The following EFR3A variants were observed in gnomAD, a reference collection of about 807,000 sequenced individuals.
EFR3A encodes EFR3 homolog A.
A neutral mutation model predicts 104.4 loss-of-function variants in EFR3A; 76 were observed. The observed-to-expected ratio is 0.73, with a 90% CI of 0.60 to 0.88. The LOEUF (loss-of-function observed/expected upper bound fraction) is 0.88. EFR3A is among the 40% of genes least tolerant of loss of function. The pLI is 0.00. For synonymous variants in EFR3A, 330 were observed against 330.0 expected (o/e 1.00, Z 0.00); for missense variants, 985 against 1,012.5 (o/e 0.97, Z 0.37).
At chr8:131,981,628 A>T (rs1820617500) in intron 14 of EFR3A, among the ~76,000 whole-genome samples, 1 of 152,122 alleles carries the variant, frequency 6.6e-6, no homozygotes, top group African/African-American at 2.4e-5. Flanking sequence ...AAAGAAAAAA[A>T]ATTGGGTTCT....
chr8:131,956,443 C>G (rs1818997098), intron 7 of EFR3A, among the ~76,000 whole-genome samples: 1 of 152,202 alleles, frequency 6.6e-6, no homozygotes, highest in South Asian at 2.1e-4. Flanking sequence ...CTTTGAGTTT[C>G]TCCACATAGA....
chr8:131,910,689 C>CT (rs1382955725), intron 1 of EFR3A, among the ~76,000 whole-genome samples: 1 of 152,250 alleles, frequency 6.6e-6, no homozygotes, highest in East Asian at 1.9e-4. Flanking sequence ...GGCAGAGGCC[C>CT]TTTTTTTCAT....
intron 18 of EFR3A, 135 bp downstream of exon 18, chr8:131,987,837 G>T: frequency 1.1e-6 from 1 of 904,580 alleles, no homozygotes; most frequent in Non-Finnish European, 1.6e-6. Flanking sequence ...AAATGCTTAA[G>T]AGTATTTACT....
At chr8:131,969,395 G>GT (rs1340922662) in intron 9 of EFR3A, among the ~76,000 whole-genome samples, 1 of 152,002 alleles carries the variant, frequency 6.6e-6, no homozygotes, top group African/African-American at 2.4e-5. Flanking sequence ...AAATGGCGTA[G>GT]TTTTTGCATA....
At position 131,946,500 on chromosome 8, in the gene EFR3A, T is replaced by A; in HGVS notation, c.233T>A (p.Met78Lys). 1 of 1,601,224 alleles carries A rather than the reference T, an allele frequency of 6.2e-7. No individual in the cohort carries two copies. The highest frequency in any genetic ancestry group is 2.3e-5 in the East Asian group (1 of 44,154). Residue 78 changes from methionine to lysine, a missense_variant, in exon 4 of 23, where the codon ATG becomes AAG. Coordinates refer to ENST00000254624, the MANE Select transcript of EFR3A (RefSeq NM_015137.6). ...RHRSGYVLIAMEALDQLLMAC... is the reference protein window; with the variant it reads ...RHRSGYVLIAKEALDQLLMAC... ...ACATGTAGGTATGTTTTGATTGCTA[T>A]GGAGGCACTGGACCAACTTCTCATG...
At chr8:131,940,413 C>A in intron 1 of EFR3A, 86 bp from the exon 2 acceptor site, 1 of 1,231,912 alleles carries the variant, frequency 8.1e-7, no homozygotes, top group Non-Finnish European at 1.1e-6. Flanking sequence ...TTTTATATAG[C>A]CCATTAATAT....
intron 10 of EFR3A, among the ~76,000 whole-genome samples, chr8:131,975,711 C>T (rs1586636423): frequency 1.3e-5 from 2 of 152,052 alleles, no homozygotes; most frequent in African/African-American, 2.4e-5. Context: ...CCACTACACC[C>T]GGCCAATATT....
chr8:131,987,051 T>G (rs1820922822), intron 17 of EFR3A, among the ~76,000 whole-genome samples: 1 of 152,082 alleles, frequency 6.6e-6, no homozygotes, highest in Non-Finnish European at 1.5e-5. Context: ...TGAATAATAT[T>G]TTGTTTGAAC....
chr8:132,008,402 G>A (rs891870152), intron 22 of EFR3A, among the ~76,000 whole-genome samples: 24 of 152,168 alleles, frequency 1.6e-4, no homozygotes, highest in Non-Finnish European at 3.2e-4. Context: ...ATATGTGAAT[G>A]TTTATGACAG....
At chr8:132,000,500 AAG>A (rs1286405154) in intron 19 of EFR3A, among the ~76,000 whole-genome samples, 1 of 152,144 alleles carries the variant, frequency 6.6e-6, no homozygotes, top group Non-Finnish European at 1.5e-5. Flanking sequence ...ACAAAAAGTG[AAG>A]AGTTAGTAGG....
chr8:131,979,405 C>T lies in EFR3A; in HGVS notation c.1559C>T (p.Thr520Ile). ...IKREKICRQDTSFMKKNGQQL... is the reference protein window; with the variant it reads ...IKREKICRQDISFMKKNGQQL... ...AGAGAAAAAATTTGCAGACAAGACA[C>T]AAGTTTCATGAAAAAGGTAAGACAT... Residue 520 changes from threonine (T) to isoleucine (I), a missense_variant, in exon 14 of 23, where the codon ACA becomes ATA. Thr to Ile is a moderately conservative substitution (Grantham distance 89). Coordinates refer to ENST00000254624, the MANE Select transcript of EFR3A (RefSeq NM_015137.6). 1 of 1,561,446 alleles carries T rather than the reference C, an allele frequency of 6.4e-7. No homozygotes were observed. Among genetic ancestry groups the T allele is most frequent in the African/African-American group, 1.4e-5 (1 of 73,610 alleles).
intron 14 of EFR3A, among the ~76,000 whole-genome samples, chr8:131,982,826 A>G (rs1274893166): frequency 1.3e-5 from 2 of 152,100 alleles, no homozygotes; most frequent in Non-Finnish European, 2.9e-5. Flanking sequence ...TAGAAACCTT[A>G]TGTGTTTGAG....
chr8:131,951,750 C>G (rs1291540279), intron 5 of EFR3A, among the ~76,000 whole-genome samples: 2 of 152,090 alleles, frequency 1.3e-5, no homozygotes, highest in Non-Finnish European at 2.9e-5. Flanking sequence ...CTAGGTCTTT[C>G]CAATATTATA....
chr8:131,992,940 C>T (rs1056562051), intron 18 of EFR3A, among the ~76,000 whole-genome samples: 2 of 152,092 alleles, frequency 1.3e-5, no homozygotes, highest in African/African-American at 4.8e-5. Flanking sequence ...TGGTGACATA[C>T]AGGTAAAATT....
chr8:131,996,301 C>A, intron 18 of EFR3A, 105 bp from the exon 19 acceptor site: 1 of 657,882 alleles, frequency 1.5e-6, no homozygotes, highest in Admixed American at 3.6e-5. Context: ...GACAAACTGT[C>A]TGAATTTTTT....
intron 9 of EFR3A, among the ~76,000 whole-genome samples, chr8:131,968,661 GT>G (rs1203766899): frequency 1.3e-5 from 2 of 151,922 alleles, no homozygotes; most frequent in Non-Finnish European, 2.9e-5. Flanking sequence ...TCTAATAAAG[GT>G]TTTTGAGTAT....
intron 18 of EFR3A, among the ~76,000 whole-genome samples, chr8:131,992,688 T>C (rs1821253475): frequency 6.6e-6 from 1 of 152,100 alleles, no homozygotes. Context: ...ATCTCTGTAG[T>C]GAAGAGGATG....
At chr8:131,910,770 G>A (rs1461384395) in intron 1 of EFR3A, among the ~76,000 whole-genome samples, 1 of 152,306 alleles carries the variant, frequency 6.6e-6, no homozygotes, top group African/African-American at 2.4e-5. Context: ...CTCTGGTGTG[G>A]AATGATCCAG....
intron 7 of EFR3A, 106 bp downstream of exon 7, chr8:131,956,011 T>G: frequency 7.8e-7 from 1 of 1,284,912 alleles, no homozygotes; most frequent in African/African-American, 1.5e-5. Flanking sequence ...AGTGAGTTAT[T>G]AATGGAACCA....
Sources: gnomAD v4.1 joint callset for allele counts (sites outside exome capture counted in the v4.1 genomes callset) on GRCh38, gnomAD v4.1.1 for gene constraint, MANE v1.5 for transcripts, NCBI Gene and HGNC (gene_info 2026-07-23, HGNC 2026-07-21) for gene names.